The following KHDRBS2 variants were observed in gnomAD, a reference collection of about 807,000 sequenced individuals.
The protein encoded by KHDRBS2 is KH domain-containing, RNA-binding, signal transduction-associated protein 2.
In KHDRBS2, 26 loss-of-function variants were observed where a neutral mutation model predicts 44.3. The ratio of observed to expected loss-of-function variants is 0.59; its 90% CI spans 0.43 to 0.81. The LOEUF is 0.81. Ranked by LOEUF, KHDRBS2 falls within the 40% of genes least tolerant of loss-of-function variation. The pLI, the probability that KHDRBS2 is intolerant of heterozygous loss-of-function variation, is 0.00. For synonymous variants in KHDRBS2, 194 were observed against 151.1 expected (o/e 1.28, Z -2.08); for missense variants, 476 against 433.1 (o/e 1.10, Z -0.88).
chr6:62,283,521 G>C (rs2150198461), intron 1 of KHDRBS2, among the ~76,000 whole-genome samples: 1 of 152,188 alleles, frequency 6.6e-6, no homozygotes, highest in South Asian at 2.1e-4. Context: ...ACTCAGGCTT[G>C]ACACTGTCTG....
At chr6:61,672,314 A>G in the KHDRBS2 span, among the ~76,000 whole-genome samples, 2 of 151,978 alleles carry the variant, frequency 1.3e-5, no homozygotes, top group East Asian at 1.9e-4. Context: ...ATACGTGTGC[A>G]TGTGTCTTTA....
At chr6:61,803,798 A>G (rs769723292) in intron 6 of KHDRBS2, among the ~76,000 whole-genome samples, 4 of 152,098 alleles carry the variant, frequency 2.6e-5, no homozygotes, top group Middle Eastern at 3.2e-3. Flanking sequence ...TGAAGTGGTG[A>G]AAATCCCCTT....
chr6:61,813,466 G>A (rs185150202), intron 6 of KHDRBS2, among the ~76,000 whole-genome samples: 88 of 152,258 alleles, frequency 5.8e-4, no homozygotes, highest in African/African-American at 2.1e-3. Context: ...GCAAACCTAG[G>A]AATTTCTGGA....
At chr6:62,165,967 T>G (rs865804268) in intron 2 of KHDRBS2, among the ~76,000 whole-genome samples, 5 of 152,048 alleles carry the variant, frequency 3.3e-5, no homozygotes, top group Admixed American at 6.6e-5. Flanking sequence ...TTTATCATTC[T>G]TTCCTCCCCA....
chr6:62,228,474 C>T (rs1333091187), intron 1 of KHDRBS2, among the ~76,000 whole-genome samples: 1 of 152,006 alleles, frequency 6.6e-6, no homozygotes, highest in South Asian at 2.1e-4. Flanking sequence ...TTTCAAAAAA[C>T]CAGCCCCTGG....
chr6:61,938,165 A>G (rs1811395666), intron 4 of KHDRBS2, among the ~76,000 whole-genome samples: 1 of 152,176 alleles, frequency 6.6e-6, no homozygotes, highest in African/African-American at 2.4e-5. Context: ...CAAGGGGTTT[A>G]CAATCTGTTG....
chr6:61,562,300 C>A, the KHDRBS2 span, among the ~76,000 whole-genome samples: 4 of 152,124 alleles, frequency 2.6e-5, no homozygotes, highest in African/African-American at 9.7e-5. Context: ...CTAATTTGGA[C>A]TTTGGTAAGT....
chr6:62,101,997 A>G (rs1410132123), intron 2 of KHDRBS2, among the ~76,000 whole-genome samples: 3 of 152,220 alleles, frequency 2.0e-5, no homozygotes, highest in African/African-American at 7.2e-5. Context: ...CCTTAAGTCT[A>G]TAAGACTTTA....
intron 5 of KHDRBS2, among the ~76,000 whole-genome samples, chr6:61,899,375 C>A (rs1336398336): frequency 6.6e-6 from 1 of 151,796 alleles, no homozygotes; most frequent in Non-Finnish European, 1.5e-5. Context: ...ATGCTAGCAC[C>A]ACTAATGATA....
chr6:61,769,535 G>A (rs1483766305), intron 6 of KHDRBS2, among the ~76,000 whole-genome samples: 2 of 152,178 alleles, frequency 1.3e-5, no homozygotes, highest in Non-Finnish European at 2.9e-5. Flanking sequence ...GGCTCAGAGG[G>A]TCCTACTGGC....
chr6:62,126,527 A>G (rs577223510), intron 2 of KHDRBS2, among the ~76,000 whole-genome samples: 1 of 152,320 alleles, frequency 6.6e-6, no homozygotes, highest in Admixed American at 6.5e-5. Flanking sequence ...GCCTTAGATG[A>G]AACCCAGTGC....
chr6:61,763,450 G>A (rs913654525), intron 6 of KHDRBS2, among the ~76,000 whole-genome samples: 2 of 152,116 alleles, frequency 1.3e-5, no homozygotes, highest in African/African-American at 4.8e-5. Context: ...AAGGGGCAGG[G>A]CTAAAATGAG....
chr6:62,108,839 C>T (rs1416935219), intron 2 of KHDRBS2, among the ~76,000 whole-genome samples: 3 of 151,990 alleles, frequency 2.0e-5, no homozygotes, highest in Admixed American at 6.6e-5. Context: ...AGCAAACTAT[C>T]GCAAGGACAA....
intron 6 of KHDRBS2, among the ~76,000 whole-genome samples, chr6:61,781,195 C>A (rs1782872716): frequency 6.6e-6 from 1 of 151,978 alleles, no homozygotes; most frequent in Non-Finnish European, 1.5e-5. Flanking sequence ...CTCCAAATGC[C>A]ACAATTATAT....
chr6:61,894,945 C>A (rs2127334044), intron 5 of KHDRBS2, 112 bp from the exon 6 acceptor site: 2 of 453,252 alleles, frequency 4.4e-6, no homozygotes, highest in South Asian at 2.8e-5. Flanking sequence ...ATACAAATTT[C>A]TCTCTCTCTC....
At chr6:61,773,963 G>A (rs1023293812) in intron 6 of KHDRBS2, among the ~76,000 whole-genome samples, 8 of 152,108 alleles carry the variant, frequency 5.3e-5, no homozygotes, top group African/African-American at 1.7e-4. Context: ...TAGATAAGCA[G>A]CGTTATTTCT....
the KHDRBS2 span, among the ~76,000 whole-genome samples, chr6:61,554,971 T>C: frequency 6.6e-6 from 1 of 152,330 alleles, no homozygotes; most frequent in East Asian, 1.9e-4. Flanking sequence ...TTGGAGAATC[T>C]GATGACTATG....
chr6:61,662,714 C>T, the KHDRBS2 span, among the ~76,000 whole-genome samples: 29,000 of 151,710 alleles, frequency 0.19, 2,910 homozygotes, highest in African/African-American at 0.23. Flanking sequence ...CATCTCACAC[C>T]AGTTAGAATG....
intron 6 of KHDRBS2, among the ~76,000 whole-genome samples, chr6:61,875,875 AT>A (rs1202903393): frequency 1.3e-5 from 2 of 151,948 alleles, no homozygotes; most frequent in Non-Finnish European, 2.9e-5. Context: ...TATTTATTAA[AT>A]TATTATTTTA....
Sources: gnomAD v4.1 joint callset for allele counts (sites outside exome capture counted in the v4.1 genomes callset) on GRCh38, gnomAD v4.1.1 for gene constraint, MANE v1.5 for transcripts, NCBI Gene and HGNC (gene_info 2026-07-23, HGNC 2026-07-21) for gene names.